The following NADK2 variants were observed in gnomAD, a reference collection of about 807,000 sequenced individuals.
NADK2 encodes the protein NAD kinase 2, mitochondrial, also known as NAD kinase domain-containing protein 1, mitochondrial.
Under a neutral mutation model 62.1 loss-of-function variants are expected in NADK2, and 35 were observed. That is an observed-to-expected ratio of 0.56 (90% confidence interval 0.43 to 0.75). The LOEUF is 0.75. Ranked by LOEUF, NADK2 falls within the 30% of genes least tolerant of loss-of-function variation. The pLI, the probability that NADK2 is intolerant of heterozygous loss-of-function variation, is 0.00. For synonymous variants in NADK2, 205 were observed against 207.9 expected (o/e 0.99, Z 0.12); for missense variants, 439 against 561.3 (o/e 0.78, Z 2.20).
chr5:36,224,360 C>T lies in NADK2; in HGVS notation c.560+1182G>A, dbSNP rs550061256. ...TCACTTGAGATCAGGAGTTTGAGAC[C>T]AGCCTGGCCAACATGGTGAGACCCC... is the stretch of plus-strand genomic sequence containing the variant. On this transcript the variant is annotated intron_variant, in intron 4 of 11. Transcript: ENST00000381937. Among the ~76,000 whole-genome samples the T allele has an allele frequency of 3.2e-4, 49 of 152,032 alleles. No individual in the cohort carries two copies. In the East Asian group the frequency reaches 7.3e-3, roughly 23 times the overall value.
At chr5:36,223,871 G>C (rs1459345101) in intron 4 of NADK2, among the ~76,000 whole-genome samples, 1 of 152,084 alleles carries the variant, frequency 6.6e-6, no homozygotes, top group Non-Finnish European at 1.5e-5. Context: ...TTGAAAAACA[G>C]GAGTCTTGAA....
rs1054690342 is a variant in NADK2, at chr5:36,241,372, G to A, written c.300+127C>T. ...AAGCCAGAGGACCTGGGGGCCGCGAGAGAGGCAGGACCGGCATCTGCGGTG... is the reference window on the plus strand; with the variant it reads ...AAGCCAGAGGACCTGGGGGCCGCGAAAGAGGCAGGACCGGCATCTGCGGTG... On this transcript the variant is annotated intron_variant, in intron 1 of 11. Coordinates refer to ENST00000381937, the MANE Select transcript of NADK2 (RefSeq NM_001085411.3). The surrounding 1 kb of genome is among the most constrained non-coding windows in gnomAD (Gnocchi z 4.9). 6.0e-6 allele frequency: 8 copies of A among 1,341,574 alleles called. No homozygotes were observed. The African/African-American group carries it at 9.3e-5, about 16-fold the overall frequency. The allele number at this position is 1,341,574 out of a possible 1,614,324, so 83.1% of individuals were successfully genotyped here.
Position 36,193,519 on chromosome 5 carries a change from G to A in NADK2, c.*1625C>T, listed in dbSNP as rs1008465544. Reference sequence around the variant, plus strand: ...AAGAAGGTATTTTAAGCCTGTTAGGGGAGGTTCTATAGTATGGAGCTTCTT... The same window carrying A: ...AAGAAGGTATTTTAAGCCTGTTAGGAGAGGTTCTATAGTATGGAGCTTCTT... On this transcript the variant is annotated 3_prime_UTR_variant, in exon 12 of 12. Transcript: ENST00000381937. 1.3e-5 allele frequency: 2 copies of A among 150,672 alleles called. No individual in the cohort carries two copies. The highest frequency in any genetic ancestry group is 2.4e-5 in the African/African-American group (1 of 40,980). The allele number at this position is 150,672 out of a possible 1,614,324, so 9.3% of individuals were successfully genotyped here. A position where few individuals can be genotyped will look rare whatever the true frequency, so the allele number is the denominator to read the frequency against.
intron 6 of NADK2, among the ~76,000 whole-genome samples, chr5:36,215,595 T>C (rs564153881): frequency 1.3e-5 from 2 of 152,280 alleles, no homozygotes; most frequent in Admixed American, 6.5e-5. Context: ...CCTCTGTTTA[T>C]CCCACCTTTC....
intron 2 of NADK2, 46 bp downstream of exon 2, chr5:36,227,431 G>T: frequency 1.1e-6 from 1 of 932,016 alleles, no homozygotes; most frequent in Non-Finnish European, 1.5e-6. Context: ...AAAACTGGAA[G>T]TCCTGAATAT....
At chr5:36,197,444 G>T in intron 11 of NADK2, 97 bp downstream of exon 11, 1 of 1,498,954 alleles carries the variant, frequency 6.7e-7, no homozygotes, top group Non-Finnish European at 9.2e-7. Context: ...AAGTTTGAAT[G>T]AGCAAATTTA....
At chr5:36,218,407 A>G (rs1363068927) in intron 5 of NADK2, 1 of 152,476 alleles carries the variant, frequency 6.6e-6, no homozygotes, top group Non-Finnish European at 1.5e-5. Flanking sequence ...AAGGAAAAAA[A>G]CAATCAGGTT....
chr5:36,236,489 G>T (rs1747912377), intron 1 of NADK2, among the ~76,000 whole-genome samples: 1 of 152,128 alleles, frequency 6.6e-6, no homozygotes, highest in Admixed American at 6.5e-5. Context: ...CTCTATCAAA[G>T]AATCCAAAGC....
intron 7 of NADK2, among the ~76,000 whole-genome samples, chr5:36,211,447 CG>C (rs968753928): frequency 1.3e-5 from 2 of 151,166 alleles, no homozygotes; most frequent in Admixed American, 6.6e-5. Context: ...CCCAGCTACT[CG>C]GGAGGCTGAG....
At chr5:36,197,155 T>C (rs1289690613) in intron 11 of NADK2, among the ~76,000 whole-genome samples, 2 of 152,086 alleles carry the variant, frequency 1.3e-5, no homozygotes, top group Non-Finnish European at 1.5e-5. Context: ...TAAAGGTTTA[T>C]TGCTATGCAA....
intron 6 of NADK2, among the ~76,000 whole-genome samples, chr5:36,214,521 T>C (rs990264192): frequency 6.6e-6 from 1 of 152,158 alleles, no homozygotes; most frequent in Non-Finnish European, 1.5e-5. Context: ...TACAAAATTA[T>C]AATTTGTATT....
chr5:36,212,136 C>A, intron 6 of NADK2: 1 of 379,922 alleles, frequency 2.6e-6, no homozygotes, highest in Non-Finnish European at 4.7e-6. Flanking sequence ...AAGGCCCTCT[C>A]TCTGCAAAAT....
intron 1 of NADK2, among the ~76,000 whole-genome samples, chr5:36,237,074 A>T (rs1323032880): frequency 1.3e-5 from 2 of 152,208 alleles, no homozygotes; most frequent in Non-Finnish European, 2.9e-5. Context: ...GGCTGGTGAA[A>T]GTAAAAATCT....
chr5:36,208,559 G>C, intron 7 of NADK2: 2 of 1,116,444 alleles, frequency 1.8e-6, no homozygotes, highest in Non-Finnish European at 2.6e-6. Context: ...GATTTATCAA[G>C]ATTAGTCAGT....
At chr5:36,235,488 G>C (rs1747869415) in intron 1 of NADK2, among the ~76,000 whole-genome samples, 1 of 152,142 alleles carries the variant, frequency 6.6e-6, no homozygotes, top group Non-Finnish European at 1.5e-5. Context: ...ATATTTCAAA[G>C]CCAAAGAGAC....
intron 1 of NADK2, among the ~76,000 whole-genome samples, chr5:36,229,625 C>T (rs529235017): frequency 4.0e-5 from 6 of 151,836 alleles, no homozygotes; most frequent in South Asian, 4.2e-4. Context: ...TCTAGTTTCA[C>T]GGCTTTAAAA....
intron 7 of NADK2, among the ~76,000 whole-genome samples, chr5:36,209,684 G>A (rs1354689745): frequency 6.6e-6 from 1 of 152,044 alleles, no homozygotes; most frequent in Admixed American, 6.6e-5. Flanking sequence ...TAGCAAAAGA[G>A]AAAACTTTAT....
intron 8 of NADK2, among the ~76,000 whole-genome samples, chr5:36,206,311 T>A (rs201918912): frequency 2.1e-5 from 3 of 144,608 alleles, no homozygotes; most frequent in African/African-American, 2.5e-5. Context: ...TTTTTAAAGT[T>A]AAAAAAAAAA....
In NADK2 at chr5:36,205,422, C is replaced by T. The variant is rs540037975; in HGVS notation, c.956+1748G>A. ...CATTGAGCAAAAATAAAAAGCCAAG[C>T]GAGAACAAAAAGTGTGCTGAGAATT... On this transcript the variant is annotated intron_variant, in intron 8 of 11. Coordinates refer to ENST00000381937, the MANE Select transcript of NADK2 (RefSeq NM_001085411.3). This position sits in a 1 kb window ranked among gnomAD's most constrained non-coding sequence, Gnocchi z 4.1. 3.9e-5 allele frequency among the ~76,000 whole-genome samples: 6 copies of T among 151,980 alleles called. No homozygotes were observed. Among genetic ancestry groups the T allele is most frequent in the African/African-American group, 7.2e-5 (3 of 41,442 alleles).
Sources: gnomAD v4.1 joint callset for allele counts (sites outside exome capture counted in the v4.1 genomes callset) on GRCh38, gnomAD v4.1.1 for gene constraint, Gnocchi (gnomAD v3.1) non-coding constraint, MANE v1.5 for transcripts, NCBI Gene and HGNC (gene_info 2026-07-23, HGNC 2026-07-21) for gene names.